Variants in FRRS1 observed in about 807,000 individuals in gnomAD.
FRRS1 encodes ferric chelate reductase 1.
FRRS1 carries 51 observed loss-of-function variants against 70.7 expected under a neutral mutation model. The observed-to-expected ratio is 0.72, with a 90% CI of 0.58 to 0.91. The LOEUF (loss-of-function observed/expected upper bound fraction) is 0.91, where lower values mean the gene tolerates loss of function less well. FRRS1 is among the 40% of genes least tolerant of loss of function. The pLI is 0.00. For synonymous variants in FRRS1, 225 were observed against 238.7 expected, an observed-to-expected ratio of 0.94 and a Z score of 0.53; for missense variants, 672 against 726.0, an observed-to-expected ratio of 0.93 and a Z score of 0.86.
At chr1:99,743,543 G>A (rs1656078253) in intron 4 of FRRS1, among the ~76,000 whole-genome samples, 1 of 152,078 alleles carries the variant, frequency 6.6e-6, no homozygotes, top group African/African-American at 2.4e-5. Flanking sequence ...CATAAAATAT[G>A]CACACACCTA....
Position 99,706,098 on chromosome 1 carries a change from T to C in FRRS1, c.*2930A>G, listed in dbSNP as rs1357686358. On this transcript the variant is annotated 3_prime_UTR_variant, in exon 17 of 17. Transcript: ENST00000646001. Reference sequence around the variant, plus strand: ...TTGGTTCTAATCAAAAGATTTGGTCTATTTGGGGCCAGGTGCAATGGCTCA... The same window carrying C: ...TTGGTTCTAATCAAAAGATTTGGTCCATTTGGGGCCAGGTGCAATGGCTCA... Among the ~76,000 whole-genome samples the C allele has an allele frequency of 6.6e-6, 1 of 152,080 alleles. No homozygotes were observed. The highest frequency in any genetic ancestry group is 1.9e-4 in the East Asian group (1 of 5,194).
rs1654008360 is a variant in FRRS1, at chr1:99,705,343, C to T, written c.*3685G>A. On this transcript the variant is annotated 3_prime_UTR_variant, in exon 17 of 17. Coordinates refer to ENST00000646001, the MANE Select transcript of FRRS1 (RefSeq NM_001361041.2). ...AGAGATGAGCTTGGTAGGGGCTGCA[C>T]AAGGAAGAAAGAAGCAGGATGTGGA... Among the ~76,000 whole-genome samples, 1 of 152,186 alleles carries T rather than the reference C, an allele frequency of 6.6e-6. No individual in the cohort carries two copies. Among genetic ancestry groups the T allele is most frequent in the Non-Finnish European group, 1.5e-5 (1 of 68,032 alleles).
rs750086720 is a variant in FRRS1 at position 99,738,176 on chromosome 1, G to A, written c.669C>T (p.Ser223=). The A allele has an allele frequency of 6.2e-7, 1 of 1,612,730 alleles. No homozygotes were observed. Among genetic ancestry groups the A allele is most frequent in the East Asian group, 2.2e-5 (1 of 44,858 alleles). ...PEKEASCVFL[S]FTRDDQSVMV... is the part of the protein sequence containing the mutation. ...TCACCGATTGGTCATCTCTTGTGAA[G>A]GACAAGAAGACACAGGAAGCCTCCT... Residue 223 remains serine, a synonymous_variant, in exon 7 of 17, where the codon TCC becomes TCT. Transcript: ENST00000646001.
chr1:99,744,432 G>A (rs150516884), intron 4 of FRRS1, among the ~76,000 whole-genome samples: 4 of 152,270 alleles, frequency 2.6e-5, no homozygotes, highest in East Asian at 1.9e-4. Flanking sequence ...GTTCCCAGGC[G>A]TCATTAAGAA....
intron 3 of FRRS1, chr1:99,748,305 C>A: frequency 7.5e-6 from 2 of 267,342 alleles, no homozygotes; most frequent in Non-Finnish European, 1.4e-5. Context: ...ATAAAATAAA[C>A]TTCATTTTTC....
intron 1 of FRRS1, among the ~76,000 whole-genome samples, chr1:99,755,594 T>C (rs1223096810): frequency 6.6e-6 from 1 of 152,230 alleles, no homozygotes; most frequent in Non-Finnish European, 1.5e-5. Context: ...GCACTAACTT[T>C]CTGTCAGTGA....
intron 7 of FRRS1, among the ~76,000 whole-genome samples, chr1:99,733,360 G>A (rs1450483018): frequency 6.6e-6 from 1 of 152,216 alleles, no homozygotes; most frequent in Non-Finnish European, 1.5e-5. Flanking sequence ...GAAGTACCTG[G>A]AGATCAGTAG....
In FRRS1 at chr1:99,748,608, C is replaced by T. The variant is rs200560918; in HGVS notation, c.161G>A (p.Ser54Asn). 2 of 1,614,076 alleles carry T rather than the reference C, an allele frequency of 1.2e-6. No individual in the cohort carries two copies. Among genetic ancestry groups the T allele is most frequent in the African/African-American group, 2.7e-5 (2 of 75,054 alleles). ...ATCTCCTGGCCTGAATGTCATCTGA[C>T]TCACGTAAATGTCATGAACAGGAAC... Reference protein sequence around the residue: ...QSVPVHDIYVSQMTFRPGDQI... With the variant: ...QSVPVHDIYVNQMTFRPGDQI... The change falls in exon 3 of 17, where the codon AGT becomes AAT. Residue 54 changes from serine (S) to asparagine (N), a missense_variant. Transcript: ENST00000646001.
intron 12 of FRRS1, among the ~76,000 whole-genome samples, chr1:99,713,851 T>C (rs112303804): frequency 6.8e-4 from 104 of 152,196 alleles, no homozygotes; most frequent in African/African-American, 2.4e-3. Context: ...AAGAGTGCTA[T>C]GGGAAAAAAT....
At chr1:99,723,327 G>A (rs966536474) in intron 9 of FRRS1, among the ~76,000 whole-genome samples, 1 of 152,078 alleles carries the variant, frequency 6.6e-6, no homozygotes, top group African/African-American at 2.4e-5. Context: ...AACAGCCTGG[G>A]CAACATGACG....
At chr1:99,736,817 A>G (rs1443751058) in intron 7 of FRRS1, among the ~76,000 whole-genome samples, 1 of 142,168 alleles carries the variant, frequency 7.0e-6, no homozygotes, top group Non-Finnish European at 1.5e-5. Flanking sequence ...AGAATAAAAA[A>G]AAGAATTAGG....
Position 99,754,020 on chromosome 1 carries a change from C to G in FRRS1, c.-105-5019G>C, listed in dbSNP as rs769945365. On this transcript the variant is annotated intron_variant, in intron 1 of 16. Coordinates refer to ENST00000646001, the MANE Select transcript of FRRS1 (RefSeq NM_001361041.2). ...TTAATTTCAGACAGTAGACTTCAAA[C>G]CAAGGAAAGTTATCAGAGATAAAGA... 7.2e-5 allele frequency among the ~76,000 whole-genome samples: 11 copies of G among 152,086 alleles called. 1 individual carries two copies. The highest frequency in any genetic ancestry group is 1.3e-4 in the Non-Finnish European group (9 of 68,018).
intron 3 of FRRS1, chr1:99,747,988 A>G (rs184172816): frequency 3.3e-4 from 50 of 152,980 alleles, no homozygotes; most frequent in Admixed American, 3.2e-3. Context: ...AAAACACTGG[A>G]TGAAAGTAAA....
intron 1 of FRRS1, 127 bp from the exon 2 acceptor site, chr1:99,749,128 C>T (rs973705635): frequency 1.7e-5 from 3 of 176,942 alleles, no homozygotes; most frequent in African/African-American, 2.4e-5. Context: ...CTCCGCCTCC[C>T]GGGTTCAAGT....
chr1:99,729,939 A>G (rs912674135), intron 7 of FRRS1, among the ~76,000 whole-genome samples, 191 bp from the exon 8 acceptor site: 3 of 152,240 alleles, frequency 2.0e-5, no homozygotes, highest in African/African-American at 7.2e-5. Context: ...TAATTTTGTT[A>G]TAATACAAAA....
chr1:99,748,463 C>T (rs968220906), intron 3 of FRRS1, 110 bp downstream of exon 3: 4 of 944,618 alleles, frequency 4.2e-6, no homozygotes, highest in Non-Finnish European at 6.6e-6. Flanking sequence ...TAGTATCTTA[C>T]AAAAGAAAAC....
rs747982792 is a variant in FRRS1 at position 99,715,639 on chromosome 1, G to C, written c.1270C>G (p.Leu424Val). ...GGCATAACAAAAGCAATGCAGGTGA[G>C]GACAGTTGTGGTGAACATGAGCATC... ...HRMLMFTTTV[L>V]TCIAFVMPFI... is the part of the protein sequence containing the mutation. The change falls in exon 12 of 17, where the codon CTC becomes GTC. Residue 424 changes from leucine (L) to valine (V), a missense_variant. Transcript: ENST00000646001. 6 of 1,613,454 alleles carry C rather than the reference G, an allele frequency of 3.7e-6. No individual in the cohort carries two copies. The South Asian group carries it at 5.5e-5, about 15-fold the overall frequency.
At chr1:99,715,784 C>A in intron 11 of FRRS1, 112 bp from the exon 12 acceptor site, 7 of 605,182 alleles carry the variant, frequency 1.2e-5, no homozygotes, top group East Asian at 3.0e-5. Flanking sequence ...TGAAGGCATG[C>A]ATTCAACTGA....
chr1:99,736,922 G>A (rs1655703153), intron 7 of FRRS1, among the ~76,000 whole-genome samples: 1 of 151,336 alleles, frequency 6.6e-6, no homozygotes, highest in Non-Finnish European at 1.5e-5. Context: ...TGCACTTTCA[G>A]GACGAGCATT....
Sources: allele counts gnomAD v4.1 joint callset (sites outside exome capture counted in the v4.1 genomes callset), GRCh38; gene constraint gnomAD v4.1.1; transcripts MANE v1.5; gene names NCBI Gene and HGNC (gene_info 2026-07-23, HGNC 2026-07-21).